PPARGC1B: variants seen among roughly 807,000 people sequenced by gnomAD.
PPARGC1B encodes the protein peroxisome proliferator-activated receptor gamma coactivator 1-beta.
PPARGC1B carries 34 observed loss-of-function variants against 101.6 expected under a neutral mutation model. That is an observed-to-expected ratio of 0.33 (90% CI 0.25 to 0.45). PPARGC1B has a LOEUF of 0.45. Ranked by LOEUF, PPARGC1B falls within the 20% of genes least tolerant of loss-of-function variation. The pLI, the probability that PPARGC1B is intolerant of heterozygous loss-of-function variation, is 1.00. For missense variants in PPARGC1B, 1,234 were observed against 1,317.6 expected (o/e 0.94, Z 0.98); for synonymous variants, 548 against 539.3 (o/e 1.02, Z -0.22).
Position 149,842,129 on chromosome 5 carries a change from C to T in PPARGC1B, c.2695-127C>T, listed in dbSNP as rs535630817. 453 of 1,207,782 alleles carry T rather than the reference C, an allele frequency of 3.8e-4. 2 individuals are homozygous for T. The highest frequency in any genetic ancestry group is 1.6e-3 in the South Asian group (99 of 63,690). 74.8% of individuals were successfully genotyped at this position (1,207,782 alleles called of 1,614,324 possible). A position where few individuals can be genotyped will look rare whatever the true frequency, so the allele number is the denominator to read the frequency against. Reference sequence around the variant, plus strand: ...ATTGGCATTGTCCTCTCTCTGACTCCAGCCGGTATTGCTCACTCAGCCAGG... The same window carrying T: ...ATTGGCATTGTCCTCTCTCTGACTCTAGCCGGTATTGCTCACTCAGCCAGG... On this transcript the variant is annotated intron_variant, in intron 9 of 11. Coordinates refer to ENST00000309241, the MANE Select transcript of PPARGC1B (RefSeq NM_133263.4).
At chr5:149,784,411 T>G (rs1328039280) in intron 1 of PPARGC1B, among the ~76,000 whole-genome samples, 1 of 152,012 alleles carries the variant, frequency 6.6e-6, no homozygotes, top group African/African-American at 2.4e-5. Flanking sequence ...ATCATGTCAC[T>G]GTTGTGTAGG....
At chr5:149,807,894 C>T (rs17110439) in intron 1 of PPARGC1B, among the ~76,000 whole-genome samples, 25,527 of 151,988 alleles carry the variant, frequency 0.17, 2,438 homozygotes, top group South Asian at 0.35. Flanking sequence ...CATCTAATCC[C>T]GCCCAGGTGA....
rs141793447 is a variant in PPARGC1B at position 149,833,762 on chromosome 5, G to A, written c.1689G>A (p.Pro563=). ...CGDMDEDPSC[P]QLPPRDSPRC... ...ACATGGATGAGGACCCCAGCTGCCC[G>A]CAGCTCCCTCCCAGAGGTAGTCAGA... The change falls in exon 5 of 12, where the codon CCG becomes CCA. Residue 563 remains proline (P), a synonymous_variant. Coordinates refer to ENST00000309241, the MANE Select transcript of PPARGC1B (RefSeq NM_133263.4). This position sits in a 1 kb window ranked among gnomAD's most constrained non-coding sequence, Gnocchi z 4.1. The A allele has an allele frequency of 2.0e-4, 303 of 1,535,010 alleles. No homozygotes were observed. In the African/African-American group the frequency reaches 3.5e-3, roughly 18 times the overall value.
Position 149,836,544 on chromosome 5 carries a change from G to C in PPARGC1B, c.2089G>C (p.Val697Leu). The change falls in exon 8 of 12, where the codon GTG (valine) becomes CTG (leucine). Residue 697 changes from valine to leucine, a missense_variant. By Grantham distance (32) the Val-to-Leu change is conservative. Around this residue, in one of 3 missense-constraint regions of PPARGC1B, gnomAD observed 497 missense variants for 529.5 expected, o/e 0.94. Transcript: ENST00000309241. ...CSFGDHDYCQ[V>L]LRPEGVLQRK... ...CTTTGGAGACCATGACTACTGCCAG[G>C]TGCTCCGACCAGAAGGCGTCCTGCA... 9 of 1,613,982 alleles carry C rather than the reference G, an allele frequency of 5.6e-6. No individual in the cohort carries two copies. Among genetic ancestry groups the C allele is most frequent in the Non-Finnish European group, 7.6e-6 (9 of 1,180,040 alleles).
rs1414743033 is a variant in PPARGC1B, at chr5:149,837,594, CCCCTCGAAGGGCTTTGA to C, written c.2618+524_2618+540del. On this transcript the variant is annotated intron_variant, in intron 8 of 11. Coordinates refer to ENST00000309241, the MANE Select transcript of PPARGC1B (RefSeq NM_133263.4). This position sits in a 1 kb window ranked among gnomAD's most constrained non-coding sequence, Gnocchi z 4.2. ...TGCTGTGGCTTTCACCAGTTGGCTG[CCCCTCGAAGGGCTTTGA>C]CCTCAGTGGAGGGATGATGCCTCAT... Among the ~76,000 whole-genome samples the C allele has an allele frequency of 6.6e-6, 1 of 152,204 alleles. No individual in the cohort carries two copies. The highest frequency in any genetic ancestry group is 1.5e-5 in the Non-Finnish European group (1 of 68,036).
chr5:149,769,986 C>T (rs1756065101), intron 1 of PPARGC1B, among the ~76,000 whole-genome samples: 1 of 152,060 alleles, frequency 6.6e-6, no homozygotes, highest in African/African-American at 2.4e-5. Context: ...AGTATCTTCT[C>T]AGGTTTGGGA....
intron 1 of PPARGC1B, among the ~76,000 whole-genome samples, chr5:149,809,714 A>AT (rs1219344975): frequency 6.9e-6 from 1 of 145,114 alleles, no homozygotes; most frequent in Non-Finnish European, 1.5e-5. Flanking sequence ...AAAAAAAAAA[A>AT]TTAATCAATT....
At chr5:149,752,324 C>G (rs1315156408) in intron 1 of PPARGC1B, among the ~76,000 whole-genome samples, 1 of 152,202 alleles carries the variant, frequency 6.6e-6, no homozygotes, top group South Asian at 2.1e-4. Context: ...GAAGTGTTAA[C>G]TGATCCACCT....
In PPARGC1B at chr5:149,730,884, TC is replaced by T. The variant is rs2113042138; in HGVS notation, c.78+468del. Reference sequence around the variant, plus strand: ...AGTCCCCTAGTCCTCCAGGCTGTAGTCCCCAGAGTGCTGTTGCTGGCCCCCC... The same window carrying T: ...AGTCCCCTAGTCCTCCAGGCTGTAGTCCCAGAGTGCTGTTGCTGGCCCCCC... On this transcript the variant is annotated intron_variant, in intron 1 of 11. Transcript: ENST00000309241. The surrounding 1 kb of genome is among the most constrained non-coding windows in gnomAD (Gnocchi z 4.0). Among the ~76,000 whole-genome samples, 1 of 152,302 alleles carries T rather than the reference TC, an allele frequency of 6.6e-6. No individual in the cohort carries two copies. The highest frequency in any genetic ancestry group is 2.1e-4 in the South Asian group (1 of 4,830).
At chr5:149,807,674 A>G (rs776219232) in intron 1 of PPARGC1B, among the ~76,000 whole-genome samples, 2 of 152,216 alleles carry the variant, frequency 1.3e-5, no homozygotes, top group African/African-American at 4.8e-5. Flanking sequence ...GCCATTCACC[A>G]TCTTTGAGAA....
At chr5:149,814,727 C>G (rs1195032986) in intron 1 of PPARGC1B, among the ~76,000 whole-genome samples, 1 of 152,244 alleles carries the variant, frequency 6.6e-6, no homozygotes, top group Non-Finnish European at 1.5e-5. Flanking sequence ...CAATTTCCAG[C>G]AAGATCACAA....
chr5:149,768,004 A>G lies in PPARGC1B; in HGVS notation c.78+37584A>G, dbSNP rs188597602. ...CCTGAGCTTGTTTTCCTGCAACTAG[A>G]TGGTCCCATCTGGGGGTGATGGGAG... On this transcript the variant is annotated intron_variant, in intron 1 of 11. Transcript: ENST00000309241. 2.8e-3 allele frequency among the ~76,000 whole-genome samples: 430 copies of G among 151,924 alleles called. 2 individuals carry two copies. The highest frequency in any genetic ancestry group is 0.01 in the African/African-American group (416 of 41,416).
intron 3 of PPARGC1B, among the ~76,000 whole-genome samples, chr5:149,830,143 G>GA (rs35980613): frequency 6.7e-6 from 1 of 149,654 alleles, no homozygotes; most frequent in Non-Finnish European, 1.5e-5. Flanking sequence ...TAGGTTCACC[G>GA]AAAAGTAGTT....
intron 9 of PPARGC1B, among the ~76,000 whole-genome samples, chr5:149,840,553 T>C (rs1303736065): frequency 6.6e-6 from 1 of 152,136 alleles, no homozygotes; most frequent in African/African-American, 2.4e-5. Flanking sequence ...GTAAGGGAGT[T>C]GGGCCTGTGC....
At chr5:149,761,136 T>G (rs534468949) in intron 1 of PPARGC1B, among the ~76,000 whole-genome samples, 5 of 152,162 alleles carry the variant, frequency 3.3e-5, no homozygotes, top group Non-Finnish European at 7.4e-5. Context: ...AACTGTGTTA[T>G]TTAACGTACA....
At chr5:149,841,927 G>A (rs1478882200) in intron 9 of PPARGC1B, among the ~76,000 whole-genome samples, 1 of 152,142 alleles carries the variant, frequency 6.6e-6, no homozygotes, top group Non-Finnish European at 1.5e-5. Context: ...CCCCTGCTCA[G>A]ACTTGAAAGG....
intron 1 of PPARGC1B, among the ~76,000 whole-genome samples, chr5:149,782,735 C>T (rs968274887): frequency 2.0e-5 from 3 of 152,216 alleles, no homozygotes; most frequent in Non-Finnish European, 4.4e-5. Context: ...CACGAGGCCC[C>T]GGGTGCTGGG....
Position 149,730,594 on chromosome 5 carries a change from A to T in PPARGC1B, c.78+174A>T, listed in dbSNP as rs1323151354. The stretch of plus-strand genomic sequence containing the variant: ...GATGCGCTCCGTTACCGGGGCAGGG[A>T]GCCGGAGGTCTCCCGGCGCGTGCCG... On this transcript the variant is annotated intron_variant, in intron 1 of 11. Coordinates refer to ENST00000309241, the MANE Select transcript of PPARGC1B (RefSeq NM_133263.4). The surrounding 1 kb of genome is among the most constrained non-coding windows in gnomAD (Gnocchi z 4.0). Among the ~76,000 whole-genome samples the T allele has an allele frequency of 1.3e-5, 2 of 151,828 alleles. No homozygotes were observed. Among genetic ancestry groups the T allele is most frequent in the African/African-American group, 4.8e-5 (2 of 41,308 alleles).
At chr5:149,796,183 A>T (rs1485670525) in intron 1 of PPARGC1B, among the ~76,000 whole-genome samples, 1 of 152,100 alleles carries the variant, frequency 6.6e-6, no homozygotes, top group African/African-American at 2.4e-5. Flanking sequence ...CGGAGTAGGG[A>T]GGGTGGTGGC....
Sources: gnomAD v4.1 joint callset for allele counts (sites outside exome capture counted in the v4.1 genomes callset) on GRCh38, gnomAD v4.1.1 for gene constraint, gnomAD v4.1.1 regional missense constraint, Gnocchi (gnomAD v3.1) non-coding constraint, MANE v1.5 for transcripts, NCBI Gene and HGNC (gene_info 2026-07-23, HGNC 2026-07-21) for gene names.